The following PAXBP1 variants were observed in gnomAD, a reference collection of about 807,000 sequenced individuals.
PAXBP1 encodes PAX3 and PAX7 binding protein 1, also known as PAX3- and PAX7-binding protein 1.
A neutral mutation model predicts 119.9 loss-of-function variants in PAXBP1; 44 were observed. The ratio of observed to expected loss-of-function variants is 0.37; its 90% CI spans 0.29 to 0.47. PAXBP1 has a LOEUF of 0.47. Ranked by LOEUF, PAXBP1 falls within the 20% of genes least tolerant of loss-of-function variation. The pLI, the probability that PAXBP1 is intolerant of heterozygous loss-of-function variation, is 0.99. For synonymous variants in PAXBP1, 393 were observed against 406.6 expected (o/e 0.97, Z 0.40); for missense variants, 898 against 1,134.1 (o/e 0.79, Z 2.99).
At chr21:32,739,907 C>A (rs780589858) in intron 15 of PAXBP1, among the ~76,000 whole-genome samples, 23 of 127,038 alleles carry the variant, frequency 1.8e-4, no homozygotes, top group Non-Finnish European at 3.4e-4. Flanking sequence ...GAGTTTGAGA[C>A]CAGCCTAGGC....
Position 32,743,260 on chromosome 21 carries a change from C to G in PAXBP1, c.2322G>C (p.Trp774Cys). 2 of 1,576,222 alleles carry G rather than the reference C, an allele frequency of 1.3e-6. No individual in the cohort carries two copies. Among genetic ancestry groups the G allele is most frequent in the Non-Finnish European group, 1.7e-6 (2 of 1,169,402 alleles). ...GPYLFFQRQF[W>C]SSVKLLGNFL... ...TATGGACACGTACCTTAACTGAAGACCAAAACTGTCGTTGAAAAAACAAGT... is the reference window on the plus strand; with the variant it reads ...TATGGACACGTACCTTAACTGAAGAGCAAAACTGTCGTTGAAAAAACAAGT... Residue 774 changes from tryptophan to cysteine, a missense_variant, in exon 15 of 18, where the codon TGG (tryptophan) becomes TGC (cysteine). By Grantham distance (215) the Trp-to-Cys change is radical. Transcript: ENST00000331923.
At chr21:32,762,643 G>T (rs987748394) in intron 3 of PAXBP1, among the ~76,000 whole-genome samples, 1 of 151,856 alleles carries the variant, frequency 6.6e-6, no homozygotes, top group African/African-American at 2.4e-5. Flanking sequence ...AAGTGGCCGG[G>T]CACAGTGGCT....
chr21:32,771,534 A>G lies in PAXBP1; in HGVS notation c.135T>C (p.Gly45=). 7.4e-6 allele frequency: 10 copies of G among 1,354,052 alleles called. No individual in the cohort carries two copies. Among genetic ancestry groups the G allele is most frequent in the Non-Finnish European group, 9.4e-6 (10 of 1,059,150 alleles). 83.9% of individuals were successfully genotyped at this position (1,354,052 alleles called of 1,614,324 possible). Reference sequence around the variant, plus strand: ...CCCCGCCAGGGGCCCTGTCGCCGCCACCGGGGCCCGCCTCTTCGCCCGTGC... The same window carrying G: ...CCCCGCCAGGGGCCCTGTCGCCGCCGCCGGGGCCCGCCTCTTCGCCCGTGC... ...PPGTGEEAGP[G]GGDRAPGGES... is the part of the protein sequence containing the mutation. The change falls in exon 1 of 18, where the codon GGT becomes GGC. Residue 45 remains glycine (G), a synonymous_variant. Coordinates refer to ENST00000331923, the MANE Select transcript of PAXBP1 (RefSeq NM_016631.4).
chr21:32,769,805 G>C lies in PAXBP1; in HGVS notation c.472+9C>G, dbSNP rs762594837. On this transcript the variant is annotated intron_variant, in intron 2 of 17. Transcript: ENST00000331923. Reference sequence around the variant, plus strand: ...CATTTCAAAAGAATTCAATTAGTTTGGTACTTACTTTCAGCTGATGAGTTG... The same window carrying C: ...CATTTCAAAAGAATTCAATTAGTTTCGTACTTACTTTCAGCTGATGAGTTG... 1.2e-6 allele frequency: 2 copies of C among 1,600,326 alleles called. No homozygotes were observed. The highest frequency in any genetic ancestry group is 1.7e-6 in the Non-Finnish European group (2 of 1,176,644).
chr21:32,739,938 T>TAGAAG (rs1555917011), intron 15 of PAXBP1, among the ~76,000 whole-genome samples: 1 of 47,006 alleles, frequency 2.1e-5, no homozygotes, highest in Non-Finnish European at 3.7e-5. Context: ...CTCGTCTCTT[T>TAGAAG]AAAAAAAAAA....
chr21:32,742,396 C>A (rs1277703796), intron 15 of PAXBP1: 1 of 152,314 alleles, frequency 6.6e-6, no homozygotes, highest in Admixed American at 6.5e-5. Context: ...TCTTCAGCGC[C>A]TCCAGTGTAG....
chr21:32,765,565 T>C (rs2044227035), intron 2 of PAXBP1, among the ~76,000 whole-genome samples: 1 of 152,216 alleles, frequency 6.6e-6, no homozygotes, highest in African/African-American at 2.4e-5. Flanking sequence ...AGAATGTTCC[T>C]GTCCCCAAAA....
intron 15 of PAXBP1, chr21:32,741,766 C>T: frequency 2.1e-6 from 1 of 475,436 alleles, no homozygotes; most frequent in Non-Finnish European, 3.8e-6. Flanking sequence ...CCTGGGGCAA[C>T]AGGGATTCTA....
At chr21:32,764,766 A>G (rs554290531) in intron 2 of PAXBP1, among the ~76,000 whole-genome samples, 40 of 152,336 alleles carry the variant, frequency 2.6e-4, no homozygotes, top group African/African-American at 7.0e-4. Context: ...CAGAGGATGT[A>G]ATAAAGGATG....
At position 32,759,217 on chromosome 21, in the gene PAXBP1, G is replaced by A; in HGVS notation, c.1246C>T (p.His416Tyr). ...GTAGAGTCCACTCGGCTTTGCAGATGTTTCTCATGCTGCTGTCGATTTGTT... is the reference window on the plus strand; with the variant it reads ...GTAGAGTCCACTCGGCTTTGCAGATATTTCTCATGCTGCTGTCGATTTGTT... ...HKTNRQQHEK[H>Y]LQSRVDSTRA... is the part of the protein sequence containing the mutation. Residue 416 changes from histidine (H) to tyrosine (Y), a missense_variant, in exon 7 of 18, where the codon CAT (histidine) becomes TAT (tyrosine). Transcript: ENST00000331923. 6.2e-7 allele frequency: 1 copy of A among 1,613,998 alleles called. No homozygotes were observed. Among genetic ancestry groups the A allele is most frequent in the Non-Finnish European group, 8.5e-7 (1 of 1,179,916 alleles).
chr21:32,759,382 T>A lies in PAXBP1; in HGVS notation c.1194-113A>T. ...GCTCCACTATTAGAACATAAAAATA[T>A]TTGGAATGGCATCTTTTCCTCTGTA... On this transcript the variant is annotated intron_variant, in intron 6 of 17. Coordinates refer to ENST00000331923, the MANE Select transcript of PAXBP1 (RefSeq NM_016631.4). 3 of 1,057,916 alleles carry A rather than the reference T, an allele frequency of 2.8e-6. No individual in the cohort carries two copies. In the South Asian group the frequency reaches 5.2e-5, roughly 18 times the overall value. The allele number at this position is 1,057,916 out of a possible 1,614,324, so 65.5% of individuals were successfully genotyped here.
intron 3 of PAXBP1, among the ~76,000 whole-genome samples, chr21:32,762,860 G>A (rs923570663): frequency 1.4e-5 from 2 of 145,420 alleles, no homozygotes; most frequent in African/African-American, 2.6e-5. Flanking sequence ...GCAGTGAGCC[G>A]AGATTGCACC....
chr21:32,739,551 C>A (rs1364221229), intron 15 of PAXBP1, among the ~76,000 whole-genome samples: 1 of 152,136 alleles, frequency 6.6e-6, no homozygotes, highest in Non-Finnish European at 1.5e-5. Context: ...ACTATCCATA[C>A]CTACTTCAAT....
At chr21:32,755,022 G>A (rs1419655398) in intron 8 of PAXBP1, among the ~76,000 whole-genome samples, 3 of 151,630 alleles carry the variant, frequency 2.0e-5, no homozygotes, top group Admixed American at 6.6e-5. Flanking sequence ...ATCTTAGCAC[G>A]TTTTTGAGCT....
At chr21:32,735,699 G>C (rs2043683339) in intron 17 of PAXBP1, among the ~76,000 whole-genome samples, 1 of 152,200 alleles carries the variant, frequency 6.6e-6, no homozygotes, top group Non-Finnish European at 1.5e-5. Context: ...GGCCCAGAGT[G>C]GGGCCCCGAG....
At chr21:32,738,431 T>C in intron 15 of PAXBP1, 112 bp from the exon 16 acceptor site, 1 of 790,076 alleles carries the variant, frequency 1.3e-6, no homozygotes, top group Non-Finnish European at 2.0e-6. Flanking sequence ...CTTGCCAAAG[T>C]ACTAAGAAAT....
rs2043673290 is a variant in PAXBP1, at chr21:32,734,997, T to C, written c.2707A>G (p.Ser903Gly). The change falls in exon 18 of 18, where the codon AGT becomes GGT. Residue 903 changes from serine to glycine, a missense_variant. Around this residue, in one of 2 missense-constraint regions of PAXBP1, gnomAD observed 599 missense variants for 852.7 expected, o/e 0.70. Transcript: ENST00000331923. ...RALDHAMSVA[S>G]DHNVKEFKSL... is the part of the protein sequence containing the mutation. Reference sequence around the variant, plus strand: ...TTAAATTCTTTCACATTGTGGTCACTTGCAACAGACATAGCATGATCCAAA... The same window carrying C: ...TTAAATTCTTTCACATTGTGGTCACCTGCAACAGACATAGCATGATCCAAA... The C allele has an allele frequency of 4.3e-6, 7 of 1,613,836 alleles. No individual in the cohort carries two copies. Among genetic ancestry groups the C allele is most frequent in the African/African-American group, 1.3e-5 (1 of 74,922 alleles).
intron 11 of PAXBP1, among the ~76,000 whole-genome samples, chr21:32,745,932 G>T: frequency 6.6e-6 from 1 of 152,126 alleles, no homozygotes; most frequent in African/African-American, 2.4e-5. Context: ...TAGACCAATG[G>T]AACAGAATAG....
At chr21:32,760,045 A>G in intron 5 of PAXBP1, 51 bp from the exon 6 acceptor site, 1 of 1,425,680 alleles carries the variant, frequency 7.0e-7, no homozygotes, top group Non-Finnish European at 9.7e-7. Context: ...AACTTTGAAA[A>G]TAATAATATG....
Sources: allele counts gnomAD v4.1 joint callset (sites outside exome capture counted in the v4.1 genomes callset), GRCh38; gene constraint gnomAD v4.1.1; regional missense constraint gnomAD v4.1.1; transcripts MANE v1.5; gene names NCBI Gene and HGNC (gene_info 2026-07-23, HGNC 2026-07-21).